SLC5A8: variants seen among roughly 807,000 people sequenced by gnomAD.
The protein encoded by SLC5A8 is sodium-coupled monocarboxylate transporter 1.
In SLC5A8, 55 loss-of-function variants were observed where a neutral mutation model predicts 71.9. That is an observed-to-expected ratio of 0.77 (90% confidence interval 0.62 to 0.96). The LOEUF (loss-of-function observed/expected upper bound fraction) is 0.96, where lower values mean the gene tolerates loss of function less well. Among genes scored for constraint, SLC5A8 ranks in the 40% least tolerant of loss-of-function variants. The pLI is 0.00. For missense variants in SLC5A8, 701 were observed against 745.3 expected, an observed-to-expected ratio of 0.94 and a Z score of 0.69; for synonymous variants, 307 against 276.1, an observed-to-expected ratio of 1.11 and a Z score of -1.11.
At chr12:101,208,486 T>A (rs1308044167) in intron 1 of SLC5A8, among the ~76,000 whole-genome samples, 1 of 152,240 alleles carries the variant, frequency 6.6e-6, no homozygotes, top group African/African-American at 2.4e-5. Context: ...GGGAGACCAC[T>A]GAAGGCACTG....
chr12:101,198,355 T>A (rs1277473854), intron 3 of SLC5A8, among the ~76,000 whole-genome samples: 1 of 151,910 alleles, frequency 6.6e-6, no homozygotes, highest in African/African-American at 2.4e-5. Context: ...AAAACACTGA[T>A]TCTTAGAAGA....
chr12:101,158,588 CTCTCTCTCTCTATATATATATATATA>C (rs1182815506), intron 13 of SLC5A8, among the ~76,000 whole-genome samples: 15 of 38,074 alleles, frequency 3.9e-4, no homozygotes, highest in African/African-American at 2.1e-3. Flanking sequence ...CTCTCTCTCT[CTCTCTCTCTCTATATATATATATATA>C]TATATATATA....
At position 101,190,534 on chromosome 12, in the gene SLC5A8, A is replaced by G. The variant is rs986954440; in HGVS notation, c.767T>C (p.Ile256Thr). Residue 256 changes from isoleucine (I) to threonine (T), a missense_variant, in exon 6 of 15, where the codon ATC (isoleucine) becomes ACC (threonine). Ile to Thr is a moderately conservative substitution (Grantham distance 89). Coordinates refer to ENST00000536262, the MANE Select transcript of SLC5A8 (RefSeq NM_145913.5). Reference protein sequence around the residue: ...IIGGTFTWTSIYGVNQSQVQR... With the variant: ...IIGGTFTWTSTYGVNQSQVQR... The stretch of plus-strand genomic sequence containing the variant: ...CACCTGGGATTGGTTGACACCGTAG[A>G]TGCTGGTCCATGTGAAGGTCCCTCC... 1.2e-6 allele frequency: 2 copies of G among 1,613,336 alleles called. No individual in the cohort carries two copies. Among genetic ancestry groups the G allele is most frequent in the Admixed American group, 1.7e-5 (1 of 59,818 alleles).
chr12:101,181,607 T>G (rs1205350552), intron 9 of SLC5A8, among the ~76,000 whole-genome samples: 1 of 152,178 alleles, frequency 6.6e-6, no homozygotes, highest in Admixed American at 6.5e-5. Flanking sequence ...GAGGCTTGTA[T>G]GGGTAACTGG....
At chr12:101,184,605 A>G (rs958282672) in intron 7 of SLC5A8, among the ~76,000 whole-genome samples, 1 of 152,246 alleles carries the variant, frequency 6.6e-6, no homozygotes, top group African/African-American at 2.4e-5. Flanking sequence ...AGTAGTTGCT[A>G]TTCTTGAGAA....
chr12:101,168,670 A>T (rs2051796833), intron 10 of SLC5A8, among the ~76,000 whole-genome samples: 1 of 152,254 alleles, frequency 6.6e-6, no homozygotes, highest in African/African-American at 2.4e-5. Flanking sequence ...TACGATTTTA[A>T]AAAGACTGAT....
intron 10 of SLC5A8, among the ~76,000 whole-genome samples, chr12:101,177,444 TAC>T (rs60836789): frequency 0.017 from 1,632 of 94,216 alleles, 13 homozygotes; most frequent in East Asian, 0.16. Context: ...AGGCAGTATA[TAC>T]ACACACACAC....
At chr12:101,188,314 A>G (rs549998328) in intron 6 of SLC5A8, among the ~76,000 whole-genome samples, 5 of 152,320 alleles carry the variant, frequency 3.3e-5, no homozygotes, top group Admixed American at 6.5e-5. Context: ...GTGTTATTGA[A>G]TCCTATGTCT....
At chr12:101,176,627 A>G (rs2051882476) in intron 10 of SLC5A8, among the ~76,000 whole-genome samples, 1 of 152,144 alleles carries the variant, frequency 6.6e-6, no homozygotes, top group Non-Finnish European at 1.5e-5. Context: ...AATCAATAAC[A>G]GAAAGATAAC....
At chr12:101,185,778 A>G (rs964572592) in intron 7 of SLC5A8, among the ~76,000 whole-genome samples, 6 of 152,178 alleles carry the variant, frequency 3.9e-5, no homozygotes, top group East Asian at 1.9e-4. Flanking sequence ...GGATTTTACC[A>G]TGTTGACCAG....
intron 5 of SLC5A8, among the ~76,000 whole-genome samples, chr12:101,191,050 C>A (rs1225208088): frequency 6.6e-6 from 1 of 152,148 alleles, no homozygotes; most frequent in Non-Finnish European, 1.5e-5. Flanking sequence ...GAATTCCTCT[C>A]CCAGCACATG....
intron 10 of SLC5A8, among the ~76,000 whole-genome samples, chr12:101,178,342 A>G (rs564505081): frequency 3.3e-5 from 5 of 152,180 alleles, no homozygotes; most frequent in Non-Finnish European, 5.9e-5. Context: ...TAGAATAGCT[A>G]AAACAATTTC....
At chr12:101,180,793 A>C (rs541970733) in intron 9 of SLC5A8, among the ~76,000 whole-genome samples, 3 of 151,904 alleles carry the variant, frequency 2.0e-5, no homozygotes, top group Non-Finnish European at 4.4e-5. Context: ...GGCTCAAGTG[A>C]TCCTCCCACC....
At chr12:101,167,389 G>T (rs575374064) in intron 11 of SLC5A8, among the ~76,000 whole-genome samples, 1 of 152,294 alleles carries the variant, frequency 6.6e-6, no homozygotes, top group Non-Finnish European at 1.5e-5. Context: ...TGAAGTCAGA[G>T]TTCTATGGCT....
At chr12:101,177,104 C>A (rs138628473) in intron 10 of SLC5A8, among the ~76,000 whole-genome samples, 1 of 151,814 alleles carries the variant, frequency 6.6e-6, no homozygotes, top group African/African-American at 2.4e-5. Context: ...CCTGCAGATG[C>A]CAAAGGATAG....
chr12:101,164,845 G>A (rs1443905020), intron 12 of SLC5A8, among the ~76,000 whole-genome samples: 1 of 152,122 alleles, frequency 6.6e-6, no homozygotes, highest in Non-Finnish European at 1.5e-5. Context: ...CATTTTCTGT[G>A]ACAAGAATGA....
At chr12:101,158,396 A>T (rs767883175) in intron 13 of SLC5A8, 68 bp from the exon 14 acceptor site, 1 of 970,674 alleles carries the variant, frequency 1.0e-6, no homozygotes, top group Non-Finnish European at 1.6e-6. Context: ...GAGACATTCC[A>T]TTATACAGGC....
At chr12:101,164,853 T>C (rs2051754741) in intron 12 of SLC5A8, among the ~76,000 whole-genome samples, 1 of 152,236 alleles carries the variant, frequency 6.6e-6, no homozygotes, top group Non-Finnish European at 1.5e-5. Context: ...GTGACAAGAA[T>C]GACTTTCCAG....
intron 2 of SLC5A8, among the ~76,000 whole-genome samples, chr12:101,203,244 C>T (rs1869533437): frequency 6.6e-6 from 1 of 152,148 alleles, no homozygotes; most frequent in Non-Finnish European, 1.5e-5. Flanking sequence ...TTGTTAAGGA[C>T]TGATAAAATT....
Sources: allele counts gnomAD v4.1 joint callset (sites outside exome capture counted in the v4.1 genomes callset), GRCh38; gene constraint gnomAD v4.1.1; transcripts MANE v1.5; gene names NCBI Gene and HGNC (gene_info 2026-07-23, HGNC 2026-07-21).